ATG16L1: variants seen among roughly 807,000 people sequenced by gnomAD.
The protein encoded by ATG16L1 is autophagy related 16 like 1.
ATG16L1 carries 37 observed loss-of-function variants against 88.5 expected under a neutral mutation model. The observed-to-expected ratio is 0.42, with a 90% CI of 0.32 to 0.55. The LOEUF (loss-of-function observed/expected upper bound fraction) is 0.55. Ranked by LOEUF, ATG16L1 falls within the 20% of genes least tolerant of loss-of-function variation. The pLI is 0.13. For missense variants in ATG16L1, 554 were observed against 752.8 expected (o/e 0.74, Z 3.09); for synonymous variants, 301 against 281.0 (o/e 1.07, Z -0.71).
intron 14 of ATG16L1, among the ~76,000 whole-genome samples, chr2:233,290,822 A>G (rs1699412607): frequency 2.0e-5 from 3 of 152,212 alleles, no homozygotes; most frequent in Admixed American, 1.3e-4. Flanking sequence ...TGAGCAGGAA[A>G]CAGGGCAGAA....
chr2:233,259,916 A>C (rs1243758950), intron 2 of ATG16L1, among the ~76,000 whole-genome samples: 4 of 152,090 alleles, frequency 2.6e-5, no homozygotes, highest in Admixed American at 2.0e-4. Flanking sequence ...AGCCTCATTC[A>C]CTCAAAAGAC....
chr2:233,274,100 C>G, intron 8 of ATG16L1: 4 of 1,464,436 alleles, frequency 2.7e-6, no homozygotes, highest in Non-Finnish European at 3.7e-6. Flanking sequence ...ACAATTATGC[C>G]AATCACCGCT....
intron 12 of ATG16L1, among the ~76,000 whole-genome samples, chr2:233,285,673 G>A (rs573915618): frequency 4.3e-4 from 66 of 152,308 alleles, no homozygotes; most frequent in African/African-American, 1.4e-3. Context: ...GAAGTCTCCC[G>A]AAAACCTTAC....
chr2:233,253,482 A>G (rs1696557967), intron 1 of ATG16L1, among the ~76,000 whole-genome samples: 1 of 151,552 alleles, frequency 6.6e-6, no homozygotes, highest in Non-Finnish European at 1.5e-5. Flanking sequence ...AGTAGCTGGA[A>G]CTATAGGCAA....
At chr2:233,268,668 C>T (rs1697770160) in intron 5 of ATG16L1, among the ~76,000 whole-genome samples, 1 of 152,154 alleles carries the variant, frequency 6.6e-6, no homozygotes, top group Non-Finnish European at 1.5e-5. Context: ...TCTGGTTTTT[C>T]CTCAAAGAGA....
intron 14 of ATG16L1, among the ~76,000 whole-genome samples, chr2:233,291,427 G>C (rs1466828978): frequency 3.9e-5 from 6 of 152,202 alleles, no homozygotes; most frequent in African/African-American, 1.2e-4. Context: ...CTTGCTTCAA[G>C]CTGCATATTT....
chr2:233,281,739 G>A (rs1464911452), intron 11 of ATG16L1, among the ~76,000 whole-genome samples: 5 of 152,218 alleles, frequency 3.3e-5, no homozygotes, highest in Non-Finnish European at 7.4e-5. Context: ...AGGAGCTTGG[G>A]TGGAGGTGAT....
At chr2:233,273,185 C>T (rs1295256817) in intron 7 of ATG16L1, 133 bp downstream of exon 7, 1 of 690,042 alleles carries the variant, frequency 1.4e-6, no homozygotes, top group Non-Finnish European at 2.6e-6. Flanking sequence ...CAGCGTCGAA[C>T]ACACCACAGA....
In ATG16L1 at chr2:233,263,248, C is replaced by T. The variant is rs151189023; in HGVS notation, c.315+13C>T. 2.4e-5 allele frequency: 38 copies of T among 1,609,208 alleles called. No homozygotes were observed. In the African/African-American group the frequency reaches 3.6e-4, roughly 15 times the overall value. On this transcript the variant is annotated intron_variant, in intron 3 of 17. Coordinates refer to ENST00000392017, the MANE Select transcript of ATG16L1 (RefSeq NM_030803.7). ...GAAACGTGGGGAGGTAAAGCTAGCCCTTTTCCTCATCTGTCTTCTGCCCTC... is the reference window on the plus strand; with the variant it reads ...GAAACGTGGGGAGGTAAAGCTAGCCTTTTTCCTCATCTGTCTTCTGCCCTC...
intron 6 of ATG16L1, among the ~76,000 whole-genome samples, chr2:233,271,890 G>A (rs141031641): frequency 2.6e-5 from 4 of 152,202 alleles, no homozygotes; most frequent in East Asian, 3.9e-4. Flanking sequence ...TTTTTCTTTC[G>A]ACCTGCCTTT....
At chr2:233,275,899 G>A (rs772738651) in intron 9 of ATG16L1, 18 of 519,032 alleles carry the variant, frequency 3.5e-5, no homozygotes, top group East Asian at 2.2e-4. Context: ...GAGAGTGATC[G>A]GCTCACAGCT....
At chr2:233,279,576 T>C (rs1384946042) in intron 10 of ATG16L1, among the ~76,000 whole-genome samples, 1 of 152,240 alleles carries the variant, frequency 6.6e-6, no homozygotes. Context: ...TACTGAATCT[T>C]GGAAGAGGCC....
intron 10 of ATG16L1, among the ~76,000 whole-genome samples, chr2:233,278,361 A>T (rs1698512022): frequency 6.6e-6 from 1 of 152,212 alleles, no homozygotes; most frequent in African/African-American, 2.4e-5. Context: ...TTACTAAAGT[A>T]AGGCCGAAGA....
intron 10 of ATG16L1, 101 bp downstream of exon 10, chr2:233,277,774 C>A: frequency 9.8e-7 from 1 of 1,015,398 alleles, no homozygotes; most frequent in Non-Finnish European, 1.5e-6. Context: ...ACCTTGCTTT[C>A]AGGCACTGTG....
intron 10 of ATG16L1, among the ~76,000 whole-genome samples, chr2:233,278,813 G>C (rs1195923986): frequency 6.6e-6 from 1 of 152,188 alleles, no homozygotes; most frequent in Admixed American, 6.5e-5. Context: ...TCAGCAGTTA[G>C]AGCCCATTGA....
At chr2:233,275,659 G>A (rs990067007) in intron 9 of ATG16L1, 3 of 490,670 alleles carry the variant, frequency 6.1e-6, no homozygotes, top group Non-Finnish European at 1.2e-5. Flanking sequence ...TTGGGATGGG[G>A]CGCATCAACG....
chr2:233,278,156 G>A (rs1368734988), intron 10 of ATG16L1, among the ~76,000 whole-genome samples: 3 of 152,308 alleles, frequency 2.0e-5, no homozygotes, highest in South Asian at 4.1e-4. Context: ...GTACTACCTA[G>A]AAAAGATGTA....
chr2:233,294,286 C>T lies in ATG16L1; in HGVS notation c.1760C>T (p.Pro587Leu). 1 of 1,610,474 alleles carries T rather than the reference C, an allele frequency of 6.2e-7. No homozygotes were observed. ...TCCATCAATGCGGTGGCGTGGTCGC[C>T]CTCTGGCTCGCACGTTGTCAGTGTG... is the stretch of plus-strand genomic sequence containing the variant. Reference protein sequence around the residue: ...SSSINAVAWSPSGSHVVSVDK... With the variant: ...SSSINAVAWSLSGSHVVSVDK... The change falls in exon 18 of 18, where the codon CCC becomes CTC. Residue 587 changes from proline (P) to leucine (L), a missense_variant. Around this residue, in one of 5 missense-constraint regions of ATG16L1, gnomAD observed 370 missense variants for 509.7 expected, o/e 0.73. Transcript: ENST00000392017.
intron 9 of ATG16L1, 27 bp downstream of exon 9, chr2:233,274,805 A>G (rs375360857): frequency 4.5e-6 from 7 of 1,546,188 alleles, no homozygotes; most frequent in South Asian, 3.4e-5. Flanking sequence ...CCCGAACCCT[A>G]CCACGCTTGA....
Sources: allele counts gnomAD v4.1 joint callset (sites outside exome capture counted in the v4.1 genomes callset), GRCh38; gene constraint gnomAD v4.1.1; regional missense constraint gnomAD v4.1.1; transcripts MANE v1.5; gene names NCBI Gene and HGNC (gene_info 2026-07-23, HGNC 2026-07-21).